Variants in TMTC2 observed in about 807,000 individuals in gnomAD.
TMTC2 encodes the protein protein O-mannosyl-transferase TMTC2.
In TMTC2, 43 loss-of-function variants were observed where a neutral mutation model predicts 82.4. The ratio of observed to expected loss-of-function variants is 0.52; its 90% CI spans 0.41 to 0.67. TMTC2 has a LOEUF of 0.67. TMTC2 is among the 30% of genes least tolerant of loss of function. The pLI is 0.00. For synonymous variants in TMTC2, 408 were observed against 381.9 expected, an observed-to-expected ratio of 1.07 and a Z score of -0.80; for missense variants, 919 against 1,012.4, an observed-to-expected ratio of 0.91 and a Z score of 1.25.
At chr12:82,945,775 C>T (rs1034506513) in intron 4 of TMTC2, among the ~76,000 whole-genome samples, 5 of 152,112 alleles carry the variant, frequency 3.3e-5, no homozygotes, top group African/African-American at 1.2e-4. Flanking sequence ...CTAGACACAC[C>T]AGGAAATATA....
intron 2 of TMTC2, among the ~76,000 whole-genome samples, chr12:82,866,303 T>C (rs1433741614): frequency 6.6e-6 from 1 of 151,834 alleles, no homozygotes; most frequent in African/African-American, 2.4e-5. Flanking sequence ...CTCCCAACCT[T>C]GATGAACAAT....
At chr12:82,694,420 C>T (rs929292861) in intron 1 of TMTC2, among the ~76,000 whole-genome samples, 30 of 152,132 alleles carry the variant, frequency 2.0e-4, no homozygotes, top group African/African-American at 6.8e-4. Flanking sequence ...TATTCCTGTA[C>T]CACATTGCTT....
intron 1 of TMTC2, among the ~76,000 whole-genome samples, chr12:82,709,774 G>A (rs898913376): frequency 1.3e-5 from 2 of 152,188 alleles, no homozygotes; most frequent in African/African-American, 4.8e-5. Flanking sequence ...AATATTTTGA[G>A]TTTGGGGAAA....
chr12:82,866,982 A>C (rs1871900006), intron 2 of TMTC2, among the ~76,000 whole-genome samples: 1 of 152,234 alleles, frequency 6.6e-6, no homozygotes, highest in Non-Finnish European at 1.5e-5. Flanking sequence ...TTAAACAATC[A>C]GATTTTGTAC....
rs146218600 is a variant in TMTC2 at position 82,837,676 on chromosome 12, G to A, written c.84-19334G>A. 1.7e-3 allele frequency among the ~76,000 whole-genome samples: 265 copies of A among 152,258 alleles called. 1 individual carries two copies. Among genetic ancestry groups the A allele is most frequent in the African/African-American group, 6.0e-3 (251 of 41,540 alleles). ...TCCATGGTGAAATCTCTTCCATTCC[G>A]ACAGCTTTCCAGTATGTTGCACTAA... On this transcript the variant is annotated intron_variant, in intron 1 of 11. Transcript: ENST00000321196.
chr12:82,960,496 CCATTATCCTAAGGAGA>C (rs1418567543), intron 4 of TMTC2, among the ~76,000 whole-genome samples: 3 of 152,050 alleles, frequency 2.0e-5, no homozygotes, highest in Non-Finnish European at 4.4e-5. Context: ...CAGCTGGAGG[CCATTATCCTAAGGAGA>C]TTAATGCAGG....
intron 1 of TMTC2, among the ~76,000 whole-genome samples, chr12:82,736,468 A>C (rs1192919185): frequency 6.6e-6 from 1 of 152,106 alleles, no homozygotes; most frequent in East Asian, 1.9e-4. Flanking sequence ...TTCCTCTGTG[A>C]TTTCAGTAGC....
intron 8 of TMTC2, among the ~76,000 whole-genome samples, chr12:82,990,847 T>G (rs1446260985): frequency 6.6e-6 from 1 of 152,116 alleles, no homozygotes; most frequent in East Asian, 1.9e-4. Context: ...ATTAATCCCT[T>G]CATTTGGTCA....
At chr12:82,860,410 A>C (rs555751654) in intron 2 of TMTC2, among the ~76,000 whole-genome samples, 1 of 152,360 alleles carries the variant, frequency 6.6e-6, no homozygotes, top group African/African-American at 2.4e-5. Context: ...ATCTCTGACT[A>C]TCTGGTGATA....
intron 3 of TMTC2, among the ~76,000 whole-genome samples, chr12:82,930,140 G>A (rs1378667114): frequency 6.6e-6 from 1 of 152,184 alleles, no homozygotes; most frequent in Non-Finnish European, 1.5e-5. Context: ...AAATCTGGAA[G>A]AGCATGAAGC....
intron 8 of TMTC2, among the ~76,000 whole-genome samples, chr12:83,026,882 G>T (rs1480172435): frequency 6.6e-6 from 1 of 152,032 alleles, no homozygotes; most frequent in East Asian, 1.9e-4. Context: ...ATCCAGTTTA[G>T]CTAAGAAAAC....
At chr12:82,778,848 CAAAAAAAAAAAAAAAAAAA>C (rs56354957) in intron 1 of TMTC2, among the ~76,000 whole-genome samples, 1 of 23,444 alleles carries the variant, frequency 4.3e-5, no homozygotes, top group African/African-American at 2.0e-4. Context: ...GACTCCGTCT[CAAAAAAAAAAAAAAAAAAA>C]AAAAAAAAAA....
intron 8 of TMTC2, among the ~76,000 whole-genome samples, chr12:83,010,941 T>C (rs1206531975): frequency 6.6e-6 from 1 of 152,188 alleles, no homozygotes; most frequent in Non-Finnish European, 1.5e-5. Flanking sequence ...TTCAAGTGAT[T>C]ATCCTGTCTC....
chr12:83,042,909 T>G (rs1221092073), intron 9 of TMTC2, among the ~76,000 whole-genome samples: 1 of 152,168 alleles, frequency 6.6e-6, no homozygotes, highest in Non-Finnish European at 1.5e-5. Flanking sequence ...CCTCCCAGTC[T>G]CACAATAAGC....
chr12:82,902,063 C>T (rs1188960344), intron 3 of TMTC2, among the ~76,000 whole-genome samples: 7 of 152,140 alleles, frequency 4.6e-5, no homozygotes, highest in African/African-American at 9.7e-5. Flanking sequence ...AATGGTTTTC[C>T]CCCACGGCTC....
intron 1 of TMTC2, among the ~76,000 whole-genome samples, chr12:82,851,237 C>T (rs1485991861): frequency 6.6e-6 from 1 of 152,030 alleles, no homozygotes; most frequent in Non-Finnish European, 1.5e-5. Context: ...CGAGACCAGT[C>T]TGGCCAACAT....
At chr12:82,992,699 C>T (rs1879451107) in intron 8 of TMTC2, among the ~76,000 whole-genome samples, 1 of 152,074 alleles carries the variant, frequency 6.6e-6, no homozygotes, top group African/African-American at 2.4e-5. Flanking sequence ...AAGGATCTCC[C>T]TTCCACTCCA....
At chr12:82,757,879 G>A (rs965882335) in intron 1 of TMTC2, among the ~76,000 whole-genome samples, 4 of 152,094 alleles carry the variant, frequency 2.6e-5, no homozygotes, top group African/African-American at 9.7e-5. Flanking sequence ...TGGCAGGATT[G>A]GATCAGGCAA....
chr12:82,881,351 C>T (rs553440854), intron 2 of TMTC2, among the ~76,000 whole-genome samples: 9 of 152,058 alleles, frequency 5.9e-5, no homozygotes, highest in African/African-American at 1.4e-4. Flanking sequence ...ATTAACTTTC[C>T]GACATCGTAA....
Sources: allele counts gnomAD v4.1 joint callset (sites outside exome capture counted in the v4.1 genomes callset), GRCh38; gene constraint gnomAD v4.1.1; transcripts MANE v1.5; gene names NCBI Gene and HGNC (gene_info 2026-07-23, HGNC 2026-07-21).